The following SNX33 variants were observed in gnomAD, a reference collection of about 807,000 sequenced individuals.
The protein encoded by SNX33 is sorting nexin 33.
A neutral mutation model predicts 38.8 loss-of-function variants in SNX33; 19 were observed. The ratio of observed to expected loss-of-function variants is 0.49; its 90% confidence interval spans 0.34 to 0.72. The LOEUF is 0.72. Ranked by LOEUF, SNX33 falls within the 30% of genes least tolerant of loss-of-function variation. The pLI is 0.01. For missense variants in SNX33, 641 were observed against 776.4 expected, an observed-to-expected ratio of 0.83 and a Z score of 2.07; for synonymous variants, 246 against 289.7, an observed-to-expected ratio of 0.85 and a Z score of 1.53.
At chr15:75,651,752 G>A (rs139510089) in intron 1 of SNX33, among the ~76,000 whole-genome samples, 6 of 152,374 alleles carry the variant, frequency 3.9e-5, no homozygotes, top group African/African-American at 9.6e-5. Flanking sequence ...TCTGCAGGGC[G>A]TGGAGCTGGC....
At chr15:75,651,334 C>A (rs1893577232) in intron 1 of SNX33, among the ~76,000 whole-genome samples, 1 of 152,224 alleles carries the variant, frequency 6.6e-6, no homozygotes, top group Non-Finnish European at 1.5e-5. Flanking sequence ...GGTTGCACAG[C>A]CTGTGGCCCG....
Position 75,657,336 on chromosome 15 carries a change from C to T in SNX33, c.*121C>T. On this transcript the variant is annotated 3_prime_UTR_variant, in exon 2 of 2. Coordinates refer to ENST00000308527, the MANE Select transcript of SNX33 (RefSeq NM_153271.2). This position sits in a 1 kb window ranked among gnomAD's most constrained non-coding sequence, Gnocchi z 5.5. ...GGTCAGCGGTGGGGGAGATAAGCGG[C>T]CTGTCCTGCCTCCTGGGAGAAGGAG... The T allele has an allele frequency of 6.7e-7, 1 of 1,486,102 alleles. No homozygotes were observed. Among genetic ancestry groups the T allele is most frequent in the Non-Finnish European group, 9.1e-7 (1 of 1,101,018 alleles). 92.1% of individuals were successfully genotyped at this position (1,486,102 alleles called of 1,614,324 possible). A position where few individuals can be genotyped will look rare whatever the true frequency, so the allele number is the denominator to read the frequency against.
rs541938761 is a variant in SNX33, at chr15:75,650,233, C to T, written c.1131C>T (p.Arg377=). Reference sequence around the variant, plus strand: ...AGGACTTGCAGGACGTGGAAGATCGCGTGGACACTTTCAAGGCCTTCAGTA... The same window carrying T: ...AGGACTTGCAGGACGTGGAAGATCGTGTGGACACTTTCAAGGCCTTCAGTA... ...EHQDLQDVED[R]VDTFKAFSKK... Residue 377 remains arginine (R), a synonymous_variant, in exon 1 of 2, where the codon CGC becomes CGT. Transcript: ENST00000308527. The surrounding 1 kb of genome is among the most constrained non-coding windows in gnomAD (Gnocchi z 6.1). 1.1e-5 allele frequency: 17 copies of T among 1,588,652 alleles called. No individual in the cohort carries two copies. The highest frequency in any genetic ancestry group is 5.4e-5 in the African/African-American group (4 of 74,396).
rs913288441 is a variant in SNX33, at chr15:75,659,027, C to T, written c.*1812C>T. On this transcript the variant is annotated 3_prime_UTR_variant, in exon 2 of 2. Transcript: ENST00000308527. ...CAAGGAGCCATGCCCTGGCCTTGCC[C>T]TTGAAAAGCCCTAGTCCAGGGGAGG... The T allele has an allele frequency of 2.6e-5, 4 of 152,278 alleles. No individual in the cohort carries two copies. The highest frequency in any genetic ancestry group is 9.6e-5 in the African/African-American group (4 of 41,454). The allele number at this position is 152,278 out of a possible 1,614,324, so 9.4% of individuals were successfully genotyped here. A position where few individuals can be genotyped will look rare whatever the true frequency, so the allele number is the denominator to read the frequency against.
Position 75,648,485 on chromosome 15 carries a change from C to G in SNX33, c.-618C>G. The G allele has an allele frequency of 1.0e-6, 1 of 985,468 alleles. No homozygotes were observed. The highest frequency in any genetic ancestry group is 1.2e-6 in the Non-Finnish European group (1 of 829,960). 61.0% of individuals were successfully genotyped at this position (985,468 alleles called of 1,614,324 possible). A position where few individuals can be genotyped will look rare whatever the true frequency, so the allele number is the denominator to read the frequency against. Reference sequence around the variant, plus strand: ...GACACATCCACCCTTGGACTCGATTCAGGCGGCTGCTGCTTTTCTCCTTGC... The same window carrying G: ...GACACATCCACCCTTGGACTCGATTGAGGCGGCTGCTGCTTTTCTCCTTGC... On this transcript the variant is annotated 5_prime_UTR_variant, in exon 1 of 2. Coordinates refer to ENST00000308527, the MANE Select transcript of SNX33 (RefSeq NM_153271.2). This position sits in a 1 kb window ranked among gnomAD's most constrained non-coding sequence, Gnocchi z 4.4.
At position 75,657,502 on chromosome 15, in the gene SNX33, A is replaced by G; in HGVS notation, c.*287A>G. On this transcript the variant is annotated 3_prime_UTR_variant, in exon 2 of 2. Coordinates refer to ENST00000308527, the MANE Select transcript of SNX33 (RefSeq NM_153271.2). The surrounding 1 kb of genome is among the most constrained non-coding windows in gnomAD (Gnocchi z 5.5). ...TCAGTGAAGGTCAGGCCAGGGTCTC[A>G]GCCTCCCCTAGAGCCTATTTTGCTT... The G allele has an allele frequency of 5.8e-6, 3 of 514,294 alleles. No homozygotes were observed. The highest frequency in any genetic ancestry group is 3.5e-5 in the East Asian group (1 of 28,394). The allele number at this position is 514,294 out of a possible 1,614,324, so 31.9% of individuals were successfully genotyped here.
Position 75,657,054 on chromosome 15 carries a change from G to T in SNX33, c.1564G>T (p.Val522Leu), listed in dbSNP as rs140532329. The stretch of plus-strand genomic sequence containing the variant: ...AGACGGCATTCGCAGGCGCTGCCGC[G>T]TGGTGGGTTTCGCCCTGCAGGCCGA... ...EADGIRRRCR[V>L]VGFALQAEMN... The change falls in exon 2 of 2, where the codon GTG becomes TTG. Residue 522 changes from valine (V) to leucine (L), a missense_variant. By Grantham distance (32) the Val-to-Leu change is conservative. Coordinates refer to ENST00000308527, the MANE Select transcript of SNX33 (RefSeq NM_153271.2). This position sits in a 1 kb window ranked among gnomAD's most constrained non-coding sequence, Gnocchi z 5.5. 16 of 1,614,040 alleles carry T rather than the reference G, an allele frequency of 9.9e-6. No individual in the cohort carries two copies. The Admixed American group carries it at 1.7e-4, about 17-fold the overall frequency.
Position 75,650,225 on chromosome 15 carries a change from G to A in SNX33, c.1123G>A (p.Glu375Lys), listed in dbSNP as rs1327314751. 1 of 1,590,868 alleles carries A rather than the reference G, an allele frequency of 6.3e-7. No individual in the cohort carries two copies. Among genetic ancestry groups the A allele is most frequent in the Non-Finnish European group, 8.6e-7 (1 of 1,167,564 alleles). Residue 375 changes from glutamate to lysine, a missense_variant, in exon 1 of 2, where the codon GAA becomes AAA. This residue lies in a region of SNX33 where 398 missense variants were observed against 542.5 expected (regional missense o/e 0.73). Transcript: ENST00000308527. This position sits in a 1 kb window ranked among gnomAD's most constrained non-coding sequence, Gnocchi z 6.1. The part of the protein sequence containing the change: ...PTEHQDLQDV[E>K]DRVDTFKAFS... ...CGAGCACCAGGACTTGCAGGACGTG[G>A]AAGATCGCGTGGACACTTTCAAGGC... is the stretch of plus-strand genomic sequence containing the variant.
At chr15:75,656,822 C>T in intron 1 of SNX33, 140 bp from the exon 2 acceptor site, 1 of 1,335,046 alleles carries the variant, frequency 7.5e-7, no homozygotes, top group South Asian at 1.5e-5. Context: ...GCAGAGACAC[C>T]CAGGTGGCTG....
rs768880962 is a variant in SNX33, at chr15:75,649,772, A to G, written c.670A>G (p.Lys224Glu). 122 of 1,522,040 alleles carry G rather than the reference A, an allele frequency of 8.0e-5. No individual in the cohort carries two copies. The highest frequency in any genetic ancestry group is 1.0e-4 in the Non-Finnish European group (116 of 1,133,744). The allele number at this position is 1,522,040 out of a possible 1,614,324, so 94.3% of individuals were successfully genotyped here. A position where few individuals can be genotyped will look rare whatever the true frequency, so the allele number is the denominator to read the frequency against. The change falls in exon 1 of 2, where the codon AAG becomes GAG. Residue 224 changes from lysine (K) to glutamate (E), a missense_variant. Transcript: ENST00000308527. This position sits in a 1 kb window ranked among gnomAD's most constrained non-coding sequence, Gnocchi z 6.6. ...AATGGGCCCTCGTGGCCCCCAGTGG[A>G]AGGCCAATCCCCACCCATTTGCCTG... is the stretch of plus-strand genomic sequence containing the variant. ...IEMGPRGPQWKANPHPFACSV... is the reference protein window; with the variant it reads ...IEMGPRGPQWEANPHPFACSV...
At chr15:75,653,495 A>G (rs1376529484) in intron 1 of SNX33, among the ~76,000 whole-genome samples, 1 of 152,090 alleles carries the variant, frequency 6.6e-6, no homozygotes, top group Non-Finnish European at 1.5e-5. Flanking sequence ...TTTACAGACG[A>G]GGTGCAGCGA....
In SNX33 at chr15:75,650,757, G is replaced by A. The variant is rs962844511; in HGVS notation, c.1471+184G>A. On this transcript the variant is annotated intron_variant, in intron 1 of 1. Transcript: ENST00000308527. The surrounding 1 kb of genome is among the most constrained non-coding windows in gnomAD (Gnocchi z 6.1). Reference sequence around the variant, plus strand: ...GCTTGTAATCTCAGCACTTTGGGAGGTTGAAGTAGGAGGATCACTTGGGCC... The same window carrying A: ...GCTTGTAATCTCAGCACTTTGGGAGATTGAAGTAGGAGGATCACTTGGGCC... 1.3e-5 allele frequency among the ~76,000 whole-genome samples: 2 copies of A among 152,194 alleles called. No homozygotes were observed. The highest frequency in any genetic ancestry group is 2.9e-5 in the Non-Finnish European group (2 of 68,034).
chr15:75,649,599 G>C lies in SNX33; in HGVS notation c.497G>C (p.Arg166Pro). The stretch of plus-strand genomic sequence containing the variant: ...TTCCGGCCCAAGCCACCACTGGAGC[G>C]GCAGGACAGCCTGGCATCTGCCAAG... Reference protein sequence around the residue: ...MAFRPKPPLERQDSLASAKRG... With the variant: ...MAFRPKPPLEPQDSLASAKRG... Residue 166 changes from arginine to proline, a missense_variant, in exon 1 of 2, where the codon CGG (arginine) becomes CCG (proline). This residue lies in a region of SNX33 where 243 missense variants were observed against 233.9 expected (regional missense o/e 1.04). Transcript: ENST00000308527. This position sits in a 1 kb window ranked among gnomAD's most constrained non-coding sequence, Gnocchi z 6.6. 1.9e-6 allele frequency: 3 copies of C among 1,613,842 alleles called. No individual in the cohort carries two copies. The highest frequency in any genetic ancestry group is 2.5e-6 in the Non-Finnish European group (3 of 1,179,844).
rs73439279 is a variant in SNX33, at chr15:75,647,933, C to T, written c.-1170C>T. Reference sequence around the variant, plus strand: ...AATCGCCTTTTTGTTTTGGAGCTGCCTTCTCGCTGGCGGAGCGGAGGGTCT... The same window carrying T: ...AATCGCCTTTTTGTTTTGGAGCTGCTTTCTCGCTGGCGGAGCGGAGGGTCT... On this transcript the variant is annotated 5_prime_UTR_variant, in exon 1 of 2. Transcript: ENST00000308527. The T allele has an allele frequency of 4.7e-3, 4,635 of 985,500 alleles. 172 individuals carry two copies. In the African/African-American group the frequency reaches 0.071, roughly 15 times the overall value. The allele number at this position is 985,500 out of a possible 1,614,324, so 61.0% of individuals were successfully genotyped here.
chr15:75,651,015 T>G (rs1044249194), intron 1 of SNX33, among the ~76,000 whole-genome samples: 3 of 152,244 alleles, frequency 2.0e-5, no homozygotes, highest in Admixed American at 1.3e-4. Flanking sequence ...TTCATTCATT[T>G]TCTCTGTTTG....
At position 75,659,470 on chromosome 15, in the gene SNX33, G is replaced by T. The variant is rs1268332716; in HGVS notation, c.*2255G>T. 1 of 152,274 alleles carries T rather than the reference G, an allele frequency of 6.6e-6. No homozygotes were observed. The highest frequency in any genetic ancestry group is 1.5e-5 in the Non-Finnish European group (1 of 68,132). 9.4% of individuals were successfully genotyped at this position (152,274 alleles called of 1,614,324 possible). A position where few individuals can be genotyped will look rare whatever the true frequency, so the allele number is the denominator to read the frequency against. On this transcript the variant is annotated 3_prime_UTR_variant, in exon 2 of 2. Transcript: ENST00000308527. The stretch of plus-strand genomic sequence containing the variant: ...TTGGTCAACATTAGGTCAGATTTGG[G>T]ACTTTCTGAGGAATTTTCCCCTCTC...
At chr15:75,654,017 CAGCAGGCGGAGGTTGCAGTG>C (rs1215380625) in intron 1 of SNX33, among the ~76,000 whole-genome samples, 1 of 151,360 alleles carries the variant, frequency 6.6e-6, no homozygotes, top group African/African-American at 2.4e-5. Context: ...TGCTTGAACC[CAGCAGGCGGAGGTTGCAGTG>C]AGCCGAGATC....
At chr15:75,656,843 C>G (rs1893657416) in intron 1 of SNX33, 119 bp from the exon 2 acceptor site, 7 of 1,456,002 alleles carry the variant, frequency 4.8e-6, no homozygotes, top group Non-Finnish European at 5.5e-6. Flanking sequence ...GAATGTGGGT[C>G]TGGGGCTCAG....
chr15:75,648,610 A>G lies in SNX33; in HGVS notation c.-493A>G. On this transcript the variant is annotated 5_prime_UTR_variant, in exon 1 of 2. Transcript: ENST00000308527. This position sits in a 1 kb window ranked among gnomAD's most constrained non-coding sequence, Gnocchi z 4.4. ...TGCAGAGGAATGTGAGAGCCTCCCAAAGCGAGAGCCGCCAAAAGAATCTGG... is the reference window on the plus strand; with the variant it reads ...TGCAGAGGAATGTGAGAGCCTCCCAGAGCGAGAGCCGCCAAAAGAATCTGG... 4.4e-6 allele frequency: 4 copies of G among 911,600 alleles called. No individual in the cohort carries two copies. The highest frequency in any genetic ancestry group is 5.2e-6 in the Non-Finnish European group (4 of 762,662). The allele number at this position is 911,600 out of a possible 1,614,324, so 56.5% of individuals were successfully genotyped here.
Sources: gnomAD v4.1 joint callset for allele counts (sites outside exome capture counted in the v4.1 genomes callset) on GRCh38, gnomAD v4.1.1 for gene constraint, gnomAD v4.1.1 regional missense constraint, Gnocchi (gnomAD v3.1) non-coding constraint, MANE v1.5 for transcripts, NCBI Gene and HGNC (gene_info 2026-07-23, HGNC 2026-07-21) for gene names.